The following AFG3L2 variants were observed in gnomAD, a reference collection of about 807,000 sequenced individuals.
AFG3L2 encodes AFG3 like matrix AAA peptidase subunit 2.
In AFG3L2, 54 loss-of-function variants were observed where a neutral mutation model predicts 94.5. The observed-to-expected ratio is 0.57, with a 90% CI of 0.46 to 0.72. The LOEUF (loss-of-function observed/expected upper bound fraction) is 0.72. Among genes scored for constraint, AFG3L2 ranks in the 30% least tolerant of loss-of-function variants. The probability of loss-of-function intolerance (pLI) is 0.00; values close to 1 mark genes in which losing one functional copy is unlikely to be tolerated. For missense variants in AFG3L2, 754 were observed against 994.9 expected (o/e 0.76, Z 3.26); for synonymous variants, 377 against 365.5 (o/e 1.03, Z -0.36).
intron 1 of AFG3L2, among the ~76,000 whole-genome samples, chr18:12,376,372 CGTGT>C (rs1165436605): frequency 1.8e-4 from 27 of 152,236 alleles, no homozygotes; most frequent in Admixed American, 6.5e-5. Context: ...TATCAGGTCC[CGTGT>C]GTGTATCTAG....
At chr18:12,361,248 TAGG>T (rs1568143405) in intron 6 of AFG3L2, among the ~76,000 whole-genome samples, 9 of 151,962 alleles carry the variant, frequency 5.9e-5, no homozygotes, top group African/African-American at 2.2e-4. Flanking sequence ...CACCCACCTA[TAGG>T]CCCAGCTACT....
At chr18:12,342,267 T>G (rs917368822) in intron 14 of AFG3L2, 1 of 152,160 alleles carries the variant, frequency 6.6e-6, no homozygotes, top group African/African-American at 2.4e-5. Context: ...TTCTAGCAAG[T>G]ATGTTCAGGT....
At chr18:12,363,472 A>T (rs1312430748) in intron 6 of AFG3L2, among the ~76,000 whole-genome samples, 1 of 152,224 alleles carries the variant, frequency 6.6e-6, no homozygotes. Context: ...TCAAATAACT[A>T]CTTCTCAGTC....
Position 12,340,324 on chromosome 18 carries a change from C to T in AFG3L2, c.1857G>A (p.Glu619=). 1 of 1,614,118 alleles carries T rather than the reference C, an allele frequency of 6.2e-7. No individual in the cohort carries two copies. The highest frequency in any genetic ancestry group is 8.5e-7 in the Non-Finnish European group (1 of 1,179,966). Reference sequence around the variant, plus strand: ...TCATACACATCCTATCCAAGAGCTGCTCTTTGGTATAGAGGTATTGTTCTT... The same window carrying T: ...TCATACACATCCTATCCAAGAGCTGTTCTTTGGTATAGAGGTATTGTTCTT... The part of the protein sequence containing the change: ...LPKEQYLYTK[E]QLLDRMCMTL... Residue 619 remains glutamate (E), a synonymous_variant, in exon 15 of 17, where the codon GAG becomes GAA. Coordinates refer to ENST00000269143, the MANE Select transcript of AFG3L2 (RefSeq NM_006796.3).
chr18:12,344,318 G>C, intron 13 of AFG3L2, 71 bp from the exon 14 acceptor site: 1 of 1,253,884 alleles, frequency 8.0e-7, no homozygotes, highest in Admixed American at 1.7e-5. Flanking sequence ...CAGTTATACA[G>C]TGCTATACAT....
At position 12,377,109 on chromosome 18, in the gene AFG3L2, G is replaced by C; in HGVS notation, c.-27C>G. ...GCCGCCGCCGTGGCCCTCTCGGCCC[G>C]GGACGCTGCGCAGGCGCGGGCAGGC... is the stretch of plus-strand genomic sequence containing the variant. On this transcript the variant is annotated 5_prime_UTR_variant, in exon 1 of 17. Transcript: ENST00000269143. 2 of 1,374,456 alleles carry C rather than the reference G, an allele frequency of 1.5e-6. No individual in the cohort carries two copies. The highest frequency in any genetic ancestry group is 1.9e-6 in the Non-Finnish European group (2 of 1,057,584). 85.1% of individuals were successfully genotyped at this position (1,374,456 alleles called of 1,614,324 possible).
intron 14 of AFG3L2, chr18:12,343,658 T>C (rs1472878361): frequency 5.4e-6 from 1 of 185,356 alleles, no homozygotes; most frequent in Non-Finnish European, 1.1e-5. Flanking sequence ...CGGCCTGAGA[T>C]TTGGGCAGTT....
chr18:12,367,201 A>G (rs1390005058), intron 4 of AFG3L2, 75 bp downstream of exon 4: 37 of 1,611,794 alleles, frequency 2.3e-5, no homozygotes, highest in Non-Finnish European at 3.1e-5. Context: ...TCCCTCCAAC[A>G]CTACACTAAT....
At chr18:12,360,174 A>T in intron 6 of AFG3L2, 123 bp from the exon 7 acceptor site, 1 of 936,912 alleles carries the variant, frequency 1.1e-6, no homozygotes, top group Middle Eastern at 2.6e-4. Context: ...TAAAGAATAA[A>T]CAATAATAAA....
At chr18:12,348,404 A>G (rs748047479) in intron 12 of AFG3L2, 21 bp from the exon 13 acceptor site, 21 of 1,600,838 alleles carry the variant, frequency 1.3e-5, no homozygotes, top group Non-Finnish European at 1.8e-5. Context: ...AACACAGAAC[A>G]GCTTACCCAC....
chr18:12,351,939 C>T (rs548415980), intron 10 of AFG3L2, among the ~76,000 whole-genome samples: 2 of 152,054 alleles, frequency 1.3e-5, no homozygotes, highest in Admixed American at 6.6e-5. Flanking sequence ...AAAAGTTTTA[C>T]GAGTAAATTT....
chr18:12,371,603 C>T lies in AFG3L2; in HGVS notation c.203G>A (p.Arg68Gln), dbSNP rs765665699. 4.3e-6 allele frequency: 7 copies of T among 1,613,434 alleles called. No individual in the cohort carries two copies. Among genetic ancestry groups the T allele is most frequent in the South Asian group, 3.3e-5 (3 of 91,064 alleles). The change falls in exon 2 of 17, where the codon CGA becomes CAA. Residue 68 changes from arginine to glutamine, a missense_variant. This residue lies in a region of AFG3L2 where 236 missense variants were observed against 214.0 expected (regional missense o/e 1.10). Coordinates refer to ENST00000269143, the MANE Select transcript of AFG3L2 (RefSeq NM_006796.3). Reference protein sequence around the residue: ...IIAAYQRFCSRPPKGFEKYFP... With the variant: ...IIAAYQRFCSQPPKGFEKYFP... ...ACCTAAGCATTTACCTTTTGGGGGT[C>T]GAGAACAGAATCTTTGATAAGCAGC...
At chr18:12,361,601 C>T (rs562095755) in intron 6 of AFG3L2, among the ~76,000 whole-genome samples, 10 of 152,112 alleles carry the variant, frequency 6.6e-5, no homozygotes, top group Admixed American at 6.5e-4. Flanking sequence ...GAGCCAAGAT[C>T]GCGCCACTGC....
chr18:12,358,562 A>G lies in AFG3L2; in HGVS notation c.1026+108T>C, dbSNP rs1414038407. ...AGGCTAGCCTAGTAAGCTGAGAAAGAGGAAGGACAGAAAAACAGCTATCTA... is the reference window on the plus strand; with the variant it reads ...AGGCTAGCCTAGTAAGCTGAGAAAGGGGAAGGACAGAAAAACAGCTATCTA... On this transcript the variant is annotated intron_variant, in intron 8 of 16. Coordinates refer to ENST00000269143, the MANE Select transcript of AFG3L2 (RefSeq NM_006796.3). The G allele has an allele frequency of 5.7e-6, 8 of 1,395,198 alleles. No individual in the cohort carries two copies. In the Admixed American group the frequency reaches 1.6e-4, roughly 28 times the overall value. The allele number at this position is 1,395,198 out of a possible 1,614,324, so 86.4% of individuals were successfully genotyped here. A position where few individuals can be genotyped will look rare whatever the true frequency, so the allele number is the denominator to read the frequency against.
chr18:12,357,891 G>A (rs1207751193), intron 8 of AFG3L2, among the ~76,000 whole-genome samples: 2 of 152,050 alleles, frequency 1.3e-5, no homozygotes, highest in African/African-American at 2.4e-5. Context: ...GAGCCACTGC[G>A]CCTGGCCCTA....
chr18:12,372,845 T>TA (rs1210194973), intron 1 of AFG3L2, among the ~76,000 whole-genome samples: 2 of 152,174 alleles, frequency 1.3e-5, no homozygotes, highest in African/African-American at 4.8e-5. Context: ...CATAGAGAGA[T>TA]AGACACATTA....
chr18:12,358,052 T>G (rs1185045419), intron 8 of AFG3L2, among the ~76,000 whole-genome samples: 2 of 152,182 alleles, frequency 1.3e-5, no homozygotes, highest in East Asian at 3.8e-4. Flanking sequence ...TCCTTTAAAG[T>G]AAAATTTATT....
intron 5 of AFG3L2, 96 bp downstream of exon 5, chr18:12,366,869 C>T (rs1185803885): frequency 8.7e-6 from 13 of 1,501,196 alleles, no homozygotes; most frequent in East Asian, 2.3e-5. Flanking sequence ...TTACAATGGA[C>T]GAGCCAGGTT....
In AFG3L2 at chr18:12,358,873, G is replaced by A; in HGVS notation, c.823C>T (p.Pro275Ser). 1 of 1,614,222 alleles carries A rather than the reference G, an allele frequency of 6.2e-7. No homozygotes were observed. ...CGGCCTGTCCGGCCAATGCCAGCAG[G>A]CCCTCTTCTGATGGTGTAGAGCAAG... The part of the protein sequence containing the change: ...AFLLYTIRRG[P>S]AGIGRTGRGM... Residue 275 changes from proline to serine, a missense_variant, in exon 8 of 17, where the codon CCT becomes TCT. Pro to Ser is a moderately conservative substitution (Grantham distance 74, BLOSUM62 -1). Transcript: ENST00000269143.
Sources: allele counts gnomAD v4.1 joint callset (sites outside exome capture counted in the v4.1 genomes callset), GRCh38; gene constraint gnomAD v4.1.1; regional missense constraint gnomAD v4.1.1; transcripts MANE v1.5; gene names NCBI Gene and HGNC (gene_info 2026-07-23, HGNC 2026-07-21).